Variants in GSG1L observed in about 807,000 individuals in gnomAD.
GSG1L encodes the protein GSG1 like, also known as germ cell-specific gene 1-like protein.
Under a neutral mutation model 42.1 loss-of-function variants are expected in GSG1L, and 24 were observed. The ratio of observed to expected loss-of-function variants is 0.57; its 90% confidence interval spans 0.41 to 0.80. The LOEUF (loss-of-function observed/expected upper bound fraction) is 0.80. Among genes scored for constraint, GSG1L ranks in the 30% least tolerant of loss-of-function variants. The pLI is 0.00. For synonymous variants in GSG1L, 215 were observed against 203.5 expected (o/e 1.06, Z -0.48); for missense variants, 445 against 472.2 (o/e 0.94, Z 0.53).
At chr16:27,906,233 A>C (rs1207279887) in intron 2 of GSG1L, among the ~76,000 whole-genome samples, 1 of 152,202 alleles carries the variant, frequency 6.6e-6, no homozygotes, top group Non-Finnish European at 1.5e-5. Flanking sequence ...TCGTAATAAA[A>C]TTTAAATTAA....
chr16:27,863,741 T>C (rs551962350), intron 3 of GSG1L, among the ~76,000 whole-genome samples: 2 of 152,312 alleles, frequency 1.3e-5, no homozygotes, highest in African/African-American at 4.8e-5. Context: ...TTCCTTATAC[T>C]GGGCCAGGAG....
chr16:27,972,097 A>G (rs973139909), intron 1 of GSG1L, among the ~76,000 whole-genome samples: 4 of 152,244 alleles, frequency 2.6e-5, no homozygotes, highest in African/African-American at 9.6e-5. Flanking sequence ...CACCATGGAC[A>G]GCTGGGGGTG....
intron 1 of GSG1L, among the ~76,000 whole-genome samples, chr16:27,987,772 C>T (rs2085402947): frequency 6.6e-6 from 1 of 152,044 alleles, no homozygotes; most frequent in Non-Finnish European, 1.5e-5. Flanking sequence ...CATGGTGAAA[C>T]CCCGTCTCTA....
At chr16:27,931,357 C>T (rs1449620580) in intron 2 of GSG1L, among the ~76,000 whole-genome samples, 2 of 152,192 alleles carry the variant, frequency 1.3e-5, no homozygotes, top group African/African-American at 2.4e-5. Context: ...TGGCTTCATG[C>T]CGCTGCCTCC....
chr16:27,826,717 C>T (rs2140963823), intron 5 of GSG1L, among the ~76,000 whole-genome samples: 1 of 152,314 alleles, frequency 6.6e-6, no homozygotes, highest in Non-Finnish European at 1.5e-5. Flanking sequence ...CCAACACCCA[C>T]CAACTCCTGA....
At chr16:27,906,180 C>T (rs926491501) in intron 2 of GSG1L, among the ~76,000 whole-genome samples, 1 of 151,998 alleles carries the variant, frequency 6.6e-6, no homozygotes, top group Non-Finnish European at 1.5e-5. Context: ...AAGGAAGAAA[C>T]CAACGTAGTT....
intron 1 of GSG1L, among the ~76,000 whole-genome samples, chr16:28,017,387 G>A (rs957222218): frequency 6.6e-6 from 1 of 152,238 alleles, no homozygotes; most frequent in Non-Finnish European, 1.5e-5. Context: ...ATAAGTAGGT[G>A]CAACCACTTG....
chr16:27,851,283 A>G (rs1213924723), intron 3 of GSG1L, among the ~76,000 whole-genome samples: 1 of 152,108 alleles, frequency 6.6e-6, no homozygotes, highest in Non-Finnish European at 1.5e-5. Context: ...TGCAGCCTCA[A>G]TGTGCTGGGC....
intron 2 of GSG1L, among the ~76,000 whole-genome samples, chr16:27,945,469 T>G (rs538638634): frequency 2.4e-4 from 37 of 152,252 alleles, no homozygotes; most frequent in African/African-American, 8.9e-4. Context: ...CAGTCCCACA[T>G]GGGACCCTTT....
At chr16:28,058,652 G>A (rs1458031451) in intron 1 of GSG1L, among the ~76,000 whole-genome samples, 2 of 148,356 alleles carry the variant, frequency 1.3e-5, no homozygotes, top group Non-Finnish European at 3.0e-5. Context: ...AAACCATGTC[G>A]AGGAGTTAGA....
chr16:27,919,152 C>T (rs2084495397), intron 2 of GSG1L, among the ~76,000 whole-genome samples: 1 of 152,174 alleles, frequency 6.6e-6, no homozygotes, highest in Non-Finnish European at 1.5e-5. Flanking sequence ...AAGGCAGAGC[C>T]TAGGGATGCC....
intron 1 of GSG1L, among the ~76,000 whole-genome samples, chr16:27,991,247 C>G (rs2085452556): frequency 6.6e-6 from 1 of 152,186 alleles, no homozygotes; most frequent in Non-Finnish European, 1.5e-5. Flanking sequence ...CTGGCTACAA[C>G]AAGTCTCTAA....
intron 3 of GSG1L, among the ~76,000 whole-genome samples, chr16:27,876,485 C>T (rs564854046): frequency 2.6e-5 from 4 of 152,290 alleles, no homozygotes; most frequent in East Asian, 1.9e-4. Context: ...ACTCAGTGAG[C>T]GCATGGCTCA....
At chr16:27,929,542 G>A (rs7192577) in intron 2 of GSG1L, among the ~76,000 whole-genome samples, 71,336 of 152,006 alleles carry the variant, frequency 0.47, 16,904 homozygotes, top group Middle Eastern at 0.56. Flanking sequence ...GAATAAAGCC[G>A]TAACAGAGGA....
intron 6 of GSG1L, among the ~76,000 whole-genome samples, chr16:27,803,890 GATAA>G (rs1377761600): frequency 6.6e-6 from 1 of 151,168 alleles, no homozygotes; most frequent in African/African-American, 2.4e-5. Context: ...ATAGATGATA[GATAA>G]ATAGGTAGAT....
intron 2 of GSG1L, among the ~76,000 whole-genome samples, chr16:27,947,521 AAAAGAAAGAAAGAATGAAGG>A (rs1379169080): frequency 1.4e-4 from 21 of 145,434 alleles, no homozygotes; most frequent in African/African-American, 4.7e-4. Context: ...GAAAGAAAGA[AAAAGAAAGAAAGAATGAAGG>A]AAAGAAAGAA....
intron 2 of GSG1L, among the ~76,000 whole-genome samples, chr16:27,923,734 G>GAA (rs11425016): frequency 0.29 from 36,845 of 128,692 alleles, 5,615 homozygotes; most frequent in Middle Eastern, 0.33. Flanking sequence ...ACTCTGTCAA[G>GAA]AAAAAAAAAA....
At chr16:27,798,719 C>G (rs2082848605) in intron 6 of GSG1L, among the ~76,000 whole-genome samples, 1 of 152,118 alleles carries the variant, frequency 6.6e-6, no homozygotes. Flanking sequence ...AGGAATTGGG[C>G]TCTGGAGGGC....
intron 2 of GSG1L, among the ~76,000 whole-genome samples, chr16:27,936,447 G>A (rs113757404): frequency 2.6e-4 from 39 of 152,046 alleles, no homozygotes; most frequent in African/African-American, 7.5e-4. Flanking sequence ...AAAAGAGCCC[G>A]GCACCTCCCT....
Sources: allele counts gnomAD v4.1 joint callset (sites outside exome capture counted in the v4.1 genomes callset), GRCh38; gene constraint gnomAD v4.1.1; transcripts MANE v1.5; gene names NCBI Gene and HGNC (gene_info 2026-07-23, HGNC 2026-07-21).